PDCL2: variants seen among roughly 807,000 people sequenced by gnomAD.
PDCL2 encodes phosducin-like protein 2.
A neutral mutation model predicts 30.3 loss-of-function variants in PDCL2; 23 were observed. The observed-to-expected ratio is 0.76, with a 90% CI of 0.55 to 1.08. The LOEUF (loss-of-function observed/expected upper bound fraction) is 1.08, where lower values mean the gene tolerates loss of function less well. Ranked by LOEUF, PDCL2 falls within the 50% of genes least tolerant of loss-of-function variation. PDCL2 has a pLI of 0.00. For synonymous variants in PDCL2, 68 were observed against 86.2 expected (o/e 0.79, Z 1.17); for missense variants, 243 against 282.3 (o/e 0.86, Z 1.00).
At chr4:55,562,908 T>A (rs2110153434) in intron 4 of PDCL2, among the ~76,000 whole-genome samples, 1 of 78,960 alleles carries the variant, frequency 1.3e-5, no homozygotes, top group East Asian at 5.5e-4. Context: ...GTACCCAGTT[T>A]GTAGAAAAAA....
chr4:55,569,897 C>T (rs1346427712), intron 3 of PDCL2, 36 bp from the exon 4 acceptor site: 1 of 1,366,798 alleles, frequency 7.3e-7, no homozygotes, highest in Non-Finnish European at 9.9e-7. Flanking sequence ...CATAAGAATA[C>T]TGTCATATTC....
chr4:55,586,152 T>G (rs1732860768), intron 1 of PDCL2, among the ~76,000 whole-genome samples: 1 of 152,196 alleles, frequency 6.6e-6, no homozygotes, highest in African/African-American at 2.4e-5. Flanking sequence ...TAGGTTTTGT[T>G]GTAGTTCCAT....
rs1232073778 is a variant in PDCL2 at position 55,592,167 on chromosome 4, G to A, written c.-58C>T. On this transcript the variant is annotated 5_prime_UTR_variant, in exon 1 of 6. Coordinates refer to ENST00000295645, the MANE Select transcript of PDCL2 (RefSeq NM_152401.3). ...CGTCCTGCAGCTGGCGAGGCGCCAC[G>A]GATGGAGACCCGCAGCCTTCTCCAG... 5 of 1,595,364 alleles carry A rather than the reference G, an allele frequency of 3.1e-6. No homozygotes were observed. The highest frequency in any genetic ancestry group is 1.1e-5 in the South Asian group (1 of 87,306).
At chr4:55,576,923 A>C (rs1364126813) in intron 3 of PDCL2, among the ~76,000 whole-genome samples, 3 of 149,486 alleles carry the variant, frequency 2.0e-5, no homozygotes, top group Non-Finnish European at 4.4e-5. Context: ...TTTGAGACGG[A>C]GTCTTGCTCT....
chr4:55,566,225 G>A (rs993840169), intron 4 of PDCL2, among the ~76,000 whole-genome samples: 4 of 151,512 alleles, frequency 2.6e-5, no homozygotes, highest in East Asian at 2.0e-4. Context: ...CAGGTGATCC[G>A]CCCGCCTCGG....
At chr4:55,565,075 T>A (rs1166333012) in intron 4 of PDCL2, among the ~76,000 whole-genome samples, 1 of 152,194 alleles carries the variant, frequency 6.6e-6, no homozygotes, top group Non-Finnish European at 1.5e-5. Context: ...AACTCTGCTA[T>A]GATACACACT....
intron 3 of PDCL2, among the ~76,000 whole-genome samples, chr4:55,573,732 C>T (rs541690493): frequency 6.6e-6 from 1 of 151,420 alleles, no homozygotes; most frequent in Admixed American, 6.6e-5. Flanking sequence ...GCTGGGGCAA[C>T]AGAGCAAGAC....
chr4:55,588,646 T>C (rs1732922843), intron 1 of PDCL2, among the ~76,000 whole-genome samples: 2 of 152,208 alleles, frequency 1.3e-5, no homozygotes, highest in South Asian at 4.1e-4. Flanking sequence ...GTTTCAGATA[T>C]TTCAGATTCA....
At chr4:55,566,179 G>C (rs1732263092) in intron 4 of PDCL2, among the ~76,000 whole-genome samples, 1 of 151,316 alleles carries the variant, frequency 6.6e-6, no homozygotes, top group Non-Finnish European at 1.5e-5. Flanking sequence ...ACAGGGTTTT[G>C]CCATGTTGGC....
intron 3 of PDCL2, among the ~76,000 whole-genome samples, chr4:55,572,952 G>T (rs1184158262): frequency 6.6e-6 from 1 of 152,034 alleles, no homozygotes; most frequent in Non-Finnish European, 1.5e-5. Flanking sequence ...TAGAGACAGG[G>T]TTTCACCGTG....
chr4:55,564,276 T>C (rs1025082378), intron 4 of PDCL2, among the ~76,000 whole-genome samples: 15 of 152,030 alleles, frequency 9.9e-5, no homozygotes, highest in Non-Finnish European at 2.1e-4. Flanking sequence ...TAGGTATTGG[T>C]GGTGGCAGTG....
intron 5 of PDCL2, among the ~76,000 whole-genome samples, chr4:55,558,282 T>C (rs980054395): frequency 3.9e-5 from 6 of 152,106 alleles, no homozygotes; most frequent in African/African-American, 7.2e-5. Flanking sequence ...TCCCCACGTG[T>C]TGTGGGTGGG....
chr4:55,556,860 G>A (rs1322045455), intron 5 of PDCL2, 149 bp from the exon 6 acceptor site: 1 of 676,244 alleles, frequency 1.5e-6, no homozygotes, highest in East Asian at 3.5e-5. Flanking sequence ...TTGAGACAGA[G>A]TCTCCCTCTG....
intron 2 of PDCL2, among the ~76,000 whole-genome samples, chr4:55,581,358 TATAA>T (rs1732709352): frequency 6.6e-6 from 1 of 152,082 alleles, no homozygotes; most frequent in Non-Finnish European, 1.5e-5. Context: ...CAAAAAAAGC[TATAA>T]ATATTATAGA....
intron 1 of PDCL2, among the ~76,000 whole-genome samples, chr4:55,585,889 G>T (rs529023125): frequency 2.6e-4 from 39 of 152,018 alleles, no homozygotes; most frequent in Non-Finnish European, 8.8e-5. Context: ...CAGCTGTAAG[G>T]CCTCCTCTTT....
At chr4:55,568,927 A>G (rs546799088) in intron 4 of PDCL2, among the ~76,000 whole-genome samples, 2 of 152,330 alleles carry the variant, frequency 1.3e-5, no homozygotes, top group South Asian at 4.1e-4. Context: ...TTGAATACAT[A>G]GTTTCACCCA....
intron 5 of PDCL2, among the ~76,000 whole-genome samples, chr4:55,557,982 G>C (rs991666817): frequency 1.3e-5 from 2 of 151,106 alleles, no homozygotes; most frequent in African/African-American, 2.4e-5. Context: ...TTAGCTGGGC[G>C]TGGTGGCAGG....
At chr4:55,566,551 T>C (rs965220664) in intron 4 of PDCL2, among the ~76,000 whole-genome samples, 7 of 149,830 alleles carry the variant, frequency 4.7e-5, no homozygotes, top group Non-Finnish European at 7.4e-5. Context: ...GCCTCCCACA[T>C]TGCTGGGACT....
intron 4 of PDCL2, among the ~76,000 whole-genome samples, chr4:55,567,386 C>G (rs1052225614): frequency 9.9e-5 from 15 of 151,988 alleles, no homozygotes; most frequent in African/African-American, 3.4e-4. Flanking sequence ...ATTTTAAAAC[C>G]TGGCCAGATG....
Sources: allele counts gnomAD v4.1 joint callset (sites outside exome capture counted in the v4.1 genomes callset), GRCh38; gene constraint gnomAD v4.1.1; transcripts MANE v1.5; gene names NCBI Gene and HGNC (gene_info 2026-07-23, HGNC 2026-07-21).